The following RASGRF1 variants were observed in gnomAD, a reference collection of about 807,000 sequenced individuals.
The protein encoded by RASGRF1 is ras-specific guanine nucleotide-releasing factor 1.
RASGRF1 carries 40 observed loss-of-function variants against 138.7 expected under a neutral mutation model. The ratio of observed to expected loss-of-function variants is 0.29; its 90% CI spans 0.22 to 0.38. The LOEUF (loss-of-function observed/expected upper bound fraction) is 0.38, where lower values mean the gene tolerates loss of function less well. RASGRF1 is among the 10% of genes least tolerant of loss of function. The pLI is 1.00. For synonymous variants in RASGRF1, 614 were observed against 663.2 expected (o/e 0.93, Z 1.14); for missense variants, 1,108 against 1,650.4 (o/e 0.67, Z 5.69).
In RASGRF1 at chr15:78,998,755, C is replaced by G; in HGVS notation, c.2817G>C (p.Leu939Phe). 6.2e-7 allele frequency: 1 copy of G among 1,614,176 alleles called. No individual in the cohort carries two copies. Among genetic ancestry groups the G allele is most frequent in the Non-Finnish European group, 8.5e-7 (1 of 1,180,024 alleles). Residue 939 changes from leucine to phenylalanine, a missense_variant, in exon 18 of 27, where the codon TTG becomes TTC. Leu to Phe is a conservative substitution (Grantham distance 22, BLOSUM62 0). Coordinates refer to ENST00000558480, the MANE Select transcript of RASGRF1 (RefSeq NM_001145648.3). ...VIRRAATNRVLNVLRHWVSKH... is the reference protein window; with the variant it reads ...VIRRAATNRVFNVLRHWVSKH... ...TGGACACCCAGTGGCGGAGCACGTT[C>G]AAGACACGATTGGTGGCTGCTCTGC...
intron 26 of RASGRF1, among the ~76,000 whole-genome samples, chr15:78,969,443 G>T (rs1165170832): frequency 6.6e-6 from 1 of 152,158 alleles, no homozygotes. Context: ...GGCTGAGGCG[G>T]GTGGATCACG....
At chr15:78,999,716 C>G in intron 17 of RASGRF1, 27 bp downstream of exon 17, 1 of 1,607,380 alleles carries the variant, frequency 6.2e-7, no homozygotes, top group Non-Finnish European at 8.5e-7. Flanking sequence ...TGGGGAGGAC[C>G]CTGTGAGTGG....
Position 79,090,511 on chromosome 15 carries a change from C to T in RASGRF1, c.-13G>A, listed in dbSNP as rs1161537666. 1.2e-6 allele frequency: 2 copies of T among 1,606,914 alleles called. No homozygotes were observed. Among genetic ancestry groups the T allele is most frequent in the Non-Finnish European group, 8.5e-7 (1 of 1,177,622 alleles). On this transcript the variant is annotated 5_prime_UTR_variant, in exon 1 of 27. Transcript: ENST00000558480. ...TCCCCTTCTGCATGGTGCTCAGAGG[C>T]CAGCGAGACCCCACGCGCTTACATC...
At chr15:79,037,045 T>C (rs2057232424) in intron 5 of RASGRF1, among the ~76,000 whole-genome samples, 1 of 152,170 alleles carries the variant, frequency 6.6e-6, no homozygotes, top group Non-Finnish European at 1.5e-5. Context: ...CCTCCAGGTA[T>C]AGCAACTTCT....
At chr15:79,086,013 C>T (rs2057974563) in intron 1 of RASGRF1, among the ~76,000 whole-genome samples, 1 of 152,182 alleles carries the variant, frequency 6.6e-6, no homozygotes, top group Non-Finnish European at 1.5e-5. Flanking sequence ...GCCTCTTCAA[C>T]TTCATTCCAA....
intron 20 of RASGRF1, among the ~76,000 whole-genome samples, chr15:78,995,219 A>G (rs1174993043): frequency 6.6e-6 from 1 of 150,914 alleles, no homozygotes; most frequent in Admixed American, 6.6e-5. Context: ...GTGAGCCACC[A>G]CGCCTGGCCT....
At chr15:78,968,258 G>GTGTC (rs994181400) in intron 26 of RASGRF1, among the ~76,000 whole-genome samples, 22 of 132,714 alleles carry the variant, frequency 1.7e-4, no homozygotes, top group East Asian at 5.8e-4. Flanking sequence ...TGATGTGTGT[G>GTGTC]TGTGTGTGTG....
intron 1 of RASGRF1, among the ~76,000 whole-genome samples, chr15:79,085,914 C>T (rs900421876): frequency 3.3e-5 from 5 of 152,188 alleles, no homozygotes; most frequent in African/African-American, 7.2e-5. Flanking sequence ...TGTGGATGTA[C>T]GATTTGTTTC....
At position 79,073,164 on chromosome 15, in the gene RASGRF1, C is replaced by G. The variant is rs981344207; in HGVS notation, c.277-8638G>C. Among the ~76,000 whole-genome samples, 2 of 151,850 alleles carry G rather than the reference C, an allele frequency of 1.3e-5. No homozygotes were observed. The highest frequency in any genetic ancestry group is 2.9e-5 in the Non-Finnish European group (2 of 67,996). On this transcript the variant is annotated intron_variant, in intron 1 of 26. Transcript: ENST00000558480. The surrounding 1 kb of genome is among the most constrained non-coding windows in gnomAD (Gnocchi z 4.2). ...ATAGGATACATTCAGATACAGGACC[C>G]GAGTCCAAGTTTCAATAACAAATCT...
In RASGRF1 at chr15:78,980,919, A is replaced by G. The variant is rs1036594000; in HGVS notation, c.3415-220T>C. On this transcript the variant is annotated intron_variant, in intron 23 of 26. Transcript: ENST00000558480. ...TGCCTGTGCTCCCACATCTCTCAGA[A>G]GCAAGGAAGTGGGTGTGAGGGACCT... 37 of 401,028 alleles carry G rather than the reference A, an allele frequency of 9.2e-5. 1 individual carries two copies. In the Admixed American group the frequency reaches 1.3e-3, roughly 15 times the overall value. 24.8% of individuals were successfully genotyped at this position (401,028 alleles called of 1,614,324 possible).
At chr15:79,064,603 G>A in intron 1 of RASGRF1, 77 bp from the exon 2 acceptor site, 1 of 1,356,934 alleles carries the variant, frequency 7.4e-7, no homozygotes, top group Non-Finnish European at 1.1e-6. Flanking sequence ...CAATCTAGCT[G>A]TTTTGCAAAG....
chr15:79,047,546 G>A (rs769607439), intron 4 of RASGRF1, among the ~76,000 whole-genome samples: 11 of 152,176 alleles, frequency 7.2e-5, no homozygotes, highest in East Asian at 1.9e-4. Context: ...CAAATTGAAC[G>A]GAACATGGAA....
Position 79,006,783 on chromosome 15 carries a change from G to A in RASGRF1, c.1827-349C>T, listed in dbSNP as rs1164122931. On this transcript the variant is annotated intron_variant, in intron 13 of 26. Transcript: ENST00000558480. The surrounding 1 kb of genome is among the most constrained non-coding windows in gnomAD (Gnocchi z 4.0). ...TCCCAGCACTTTGGGAGGCTGAGGT[G>A]GGAGGATCACTTGAGGTCAGGAGCT... 2.6e-5 allele frequency among the ~76,000 whole-genome samples: 4 copies of A among 152,176 alleles called. No individual in the cohort carries two copies. Among genetic ancestry groups the A allele is most frequent in the Non-Finnish European group, 4.4e-5 (3 of 68,028 alleles).
At chr15:78,962,487 T>C (rs1420816005) in intron 26 of RASGRF1, among the ~76,000 whole-genome samples, 1 of 152,214 alleles carries the variant, frequency 6.6e-6, no homozygotes, top group Admixed American at 6.5e-5. Context: ...AAAAAGTCAA[T>C]TGTAGAAACT....
At chr15:79,041,146 T>C (rs537460038) in intron 5 of RASGRF1, among the ~76,000 whole-genome samples, 1 of 152,214 alleles carries the variant, frequency 6.6e-6, no homozygotes, top group African/African-American at 2.4e-5. Flanking sequence ...CTTAGAATAA[T>C]TTTTACATTT....
chr15:79,004,020 T>C lies in RASGRF1; in HGVS notation c.2231A>G (p.Asn744Ser). ...CTTGCCGCCAGTGATGATGGGGATG[T>C]TCAGGGAGAGCTTCCGCCGGCGGCT... ...SPSRRRKLSL[N>S]IPIITGGKAL... Residue 744 changes from asparagine (N) to serine (S), a missense_variant, in exon 15 of 27, where the codon AAC (asparagine) becomes AGC (serine). This residue lies in a region of RASGRF1 where 686 missense variants were observed against 976.7 expected (regional missense o/e 0.70). Coordinates refer to ENST00000558480, the MANE Select transcript of RASGRF1 (RefSeq NM_001145648.3). The C allele has an allele frequency of 6.2e-7, 1 of 1,613,994 alleles. No homozygotes were observed. The highest frequency in any genetic ancestry group is 8.5e-7 in the Non-Finnish European group (1 of 1,179,972).
At chr15:79,058,001 G>C (rs1341351471) in intron 3 of RASGRF1, among the ~76,000 whole-genome samples, 4 of 152,226 alleles carry the variant, frequency 2.6e-5, no homozygotes, top group Non-Finnish European at 5.9e-5. Flanking sequence ...CAGTAACTAG[G>C]AGCTTGCCCG....
At position 79,090,557 on chromosome 15, in the gene RASGRF1, C is replaced by T. The variant is rs865960340; in HGVS notation, c.-59G>A. ...ACATCTTCTCCGCGCAGCAGCCCCCCGTCCGTGCGCGCTGCGCGCTGCCTC... is the reference window on the plus strand; with the variant it reads ...ACATCTTCTCCGCGCAGCAGCCCCCTGTCCGTGCGCGCTGCGCGCTGCCTC... On this transcript the variant is annotated 5_prime_UTR_variant, in exon 1 of 27. Coordinates refer to ENST00000558480, the MANE Select transcript of RASGRF1 (RefSeq NM_001145648.3). 5 of 1,575,684 alleles carry T rather than the reference C, an allele frequency of 3.2e-6. No individual in the cohort carries two copies. The highest frequency in any genetic ancestry group is 1.7e-4 in the Middle Eastern group (1 of 5,950).
rs1299593252 is a variant in RASGRF1, at chr15:78,984,864, G to T, written c.3414+143C>A. 10 of 855,842 alleles carry T rather than the reference G, an allele frequency of 1.2e-5. No homozygotes were observed. The East Asian group carries it at 2.7e-4, about 23-fold the overall frequency. The allele number at this position is 855,842 out of a possible 1,614,324, so 53.0% of individuals were successfully genotyped here. ...TCTGGTCCCAGGTGATATAGGGGAA[G>T]CTATTCTGTTTTACCTGGGAGTGTT... On this transcript the variant is annotated intron_variant, in intron 23 of 26. Coordinates refer to ENST00000558480, the MANE Select transcript of RASGRF1 (RefSeq NM_001145648.3).
Sources: allele counts gnomAD v4.1 joint callset (sites outside exome capture counted in the v4.1 genomes callset), GRCh38; gene constraint gnomAD v4.1.1; regional missense constraint gnomAD v4.1.1; non-coding constraint Gnocchi (gnomAD v3.1); transcripts MANE v1.5; gene names NCBI Gene and HGNC (gene_info 2026-07-23, HGNC 2026-07-21).